The following CCDC148 variants were observed in gnomAD, a reference collection of about 807,000 sequenced individuals.
The protein encoded by CCDC148 is coiled-coil domain containing 148.
In CCDC148, 89 loss-of-function variants were observed where a neutral mutation model predicts 85.7. That is an observed-to-expected ratio of 1.04 (90% CI 0.87 to 1.24). CCDC148 has a LOEUF of 1.24. CCDC148 is among the 50% of genes most tolerant of loss of function. The pLI, the probability that CCDC148 is intolerant of heterozygous loss-of-function variation, is 0.00. For missense variants in CCDC148, 692 were observed against 671.7 expected (o/e 1.03, Z -0.33); for synonymous variants, 230 against 213.9 (o/e 1.08, Z -0.66).
chr2:158,340,331 G>C lies in CCDC148; in HGVS notation c.397C>G (p.Leu133Val), dbSNP rs1379358825. The C allele has an allele frequency of 3.7e-6, 6 of 1,613,934 alleles. No individual in the cohort carries two copies. The South Asian group carries it at 6.6e-5, about 18-fold the overall frequency. ...TGTCTGTATTTTAGATCTGCTCTCA[G>C]CTGCTGAATAGGATTTATTACATTT... ...LKNVINPIQQ[L>V]RADLKYRQHH... The change falls in exon 5 of 14, where the codon CTG becomes GTG. Residue 133 changes from leucine (L) to valine (V), a missense_variant. Leu to Val is a conservative substitution (Grantham distance 32). Coordinates refer to ENST00000283233, the MANE Select transcript of CCDC148 (RefSeq NM_138803.4).
In CCDC148 at chr2:158,217,385, T is replaced by C. The variant is rs1243571520; in HGVS notation, c.1370+3210A>G. Reference sequence around the variant, plus strand: ...TTTTGTGTGTGTGTGTATATATATATATATATATACACACACACATACATT... The same window carrying C: ...TTTTGTGTGTGTGTGTATATATATACATATATATACACACACACATACATT... On this transcript the variant is annotated intron_variant, in intron 11 of 13. Coordinates refer to ENST00000283233, the MANE Select transcript of CCDC148 (RefSeq NM_138803.4). Among the ~76,000 whole-genome samples the C allele has an allele frequency of 9.7e-5, 9 of 92,744 alleles. No individual in the cohort carries two copies. In the East Asian group the frequency reaches 2.5e-3, roughly 26 times the overall value. The allele number at this position is 92,744 out of a possible 152,430, so 60.8% of individuals were successfully genotyped here.
intron 9 of CCDC148, among the ~76,000 whole-genome samples, chr2:158,278,100 C>T (rs1690047590): frequency 6.6e-6 from 1 of 152,158 alleles, no homozygotes; most frequent in South Asian, 2.1e-4. Flanking sequence ...CTTAAATTGA[C>T]TCATTTTTTA....
Position 158,191,893 on chromosome 2 carries a change from T to A in CCDC148, c.1371-12897A>T, listed in dbSNP as rs573299673. Among the ~76,000 whole-genome samples, 12 of 152,140 alleles carry A rather than the reference T, an allele frequency of 7.9e-5. No individual in the cohort carries two copies. The East Asian group carries it at 2.3e-3, about 29-fold the overall frequency. On this transcript the variant is annotated intron_variant, in intron 11 of 13. Coordinates refer to ENST00000283233, the MANE Select transcript of CCDC148 (RefSeq NM_138803.4). ...GTTTGGATTTCAGGAGGAGAGCCCA[T>A]CTCCAGTGCCTACTTGGGGAACTCT...
intron 10 of CCDC148, among the ~76,000 whole-genome samples, chr2:158,243,714 T>C (rs1438128997): frequency 1.3e-5 from 2 of 152,168 alleles, no homozygotes; most frequent in South Asian, 2.1e-4. Flanking sequence ...CTCAGTCTGT[T>C]CTTCATGCCA....
At chr2:158,182,979 T>C (rs1249308664) in intron 11 of CCDC148, among the ~76,000 whole-genome samples, 1 of 152,200 alleles carries the variant, frequency 6.6e-6, no homozygotes, top group Non-Finnish European at 1.5e-5. Context: ...ACTGTTGCTA[T>C]GAAAGTCAAT....
At chr2:158,390,557 C>T (rs1252803270) in intron 1 of CCDC148, among the ~76,000 whole-genome samples, 2 of 152,136 alleles carry the variant, frequency 1.3e-5, no homozygotes, top group East Asian at 3.9e-4. Flanking sequence ...AAATTTTAAA[C>T]TTGAGGCCAA....
chr2:158,251,145 G>C (rs1324686160), intron 9 of CCDC148, among the ~76,000 whole-genome samples: 1 of 151,678 alleles, frequency 6.6e-6, no homozygotes, highest in Admixed American at 6.6e-5. Flanking sequence ...TGGATTCATG[G>C]AATAGGGTTC....
intron 11 of CCDC148, among the ~76,000 whole-genome samples, chr2:158,205,265 G>T (rs1686178386): frequency 6.6e-6 from 1 of 152,116 alleles, no homozygotes; most frequent in Admixed American, 6.5e-5. Context: ...AGTAAGAGAG[G>T]GAAGAGTCAC....
chr2:158,406,941 C>T (rs560601957), intron 1 of CCDC148, among the ~76,000 whole-genome samples: 12 of 151,984 alleles, frequency 7.9e-5, no homozygotes, highest in African/African-American at 2.4e-4. Flanking sequence ...TACATTTCCA[C>T]AAGATAATTA....
intron 9 of CCDC148, among the ~76,000 whole-genome samples, chr2:158,264,895 T>C (rs550288728): frequency 2.5e-4 from 38 of 152,270 alleles, no homozygotes; most frequent in Non-Finnish European, 4.0e-4. Context: ...TAGAATAACG[T>C]GCATTATTCT....
intron 1 of CCDC148, among the ~76,000 whole-genome samples, chr2:158,389,743 C>G (rs1386460127): frequency 6.6e-6 from 1 of 152,172 alleles, no homozygotes; most frequent in African/African-American, 2.4e-5. Flanking sequence ...TCCAAGACAA[C>G]TTTTGCACAT....
At chr2:158,422,423 G>A (rs1438335130) in intron 1 of CCDC148, among the ~76,000 whole-genome samples, 1 of 152,112 alleles carries the variant, frequency 6.6e-6, no homozygotes, top group African/African-American at 2.4e-5. Flanking sequence ...TGCAAGGCTT[G>A]TTCAACATAT....
At chr2:158,196,902 T>G (rs1367200766) in intron 11 of CCDC148, among the ~76,000 whole-genome samples, 1 of 152,198 alleles carries the variant, frequency 6.6e-6, no homozygotes, top group Non-Finnish European at 1.5e-5. Flanking sequence ...AATTAAAATA[T>G]CTGTAATTTA....
chr2:158,338,713 T>G lies in CCDC148; in HGVS notation c.764+13A>C, dbSNP rs11686762. The G allele has an allele frequency of 0.22, 349,104 of 1,580,270 alleles. 42,128 individuals carry two copies. The highest frequency in any genetic ancestry group is 0.25 in the Non-Finnish European group (287,566 of 1,166,232). On this transcript the variant is annotated intron_variant, in intron 7 of 13. Transcript: ENST00000283233. The stretch of plus-strand genomic sequence containing the variant: ...GTCAAAAGTCTACACAGGACTCAGT[T>G]TTATCTTATCACCTGTATATGTCTT...
At chr2:158,206,326 C>T (rs1686242378) in intron 11 of CCDC148, among the ~76,000 whole-genome samples, 1 of 152,172 alleles carries the variant, frequency 6.6e-6, no homozygotes, top group African/African-American at 2.4e-5. Flanking sequence ...TTTACACAGA[C>T]AGGCAGCTCC....
intron 9 of CCDC148, among the ~76,000 whole-genome samples, chr2:158,282,738 A>C (rs1484635189): frequency 2.0e-5 from 3 of 152,204 alleles, no homozygotes; most frequent in African/African-American, 7.2e-5. Context: ...CATCCCCATC[A>C]AGCTACCAAT....
At chr2:158,343,579 A>C (rs1207160919) in intron 3 of CCDC148, among the ~76,000 whole-genome samples, 1 of 152,256 alleles carries the variant, frequency 6.6e-6, no homozygotes, top group East Asian at 1.9e-4. Flanking sequence ...GTAAGCCCTT[A>C]TCCTCCGCCT....
chr2:158,240,745 A>C (rs957133357), intron 10 of CCDC148, among the ~76,000 whole-genome samples: 4 of 152,130 alleles, frequency 2.6e-5, no homozygotes, highest in Non-Finnish European at 5.9e-5. Flanking sequence ...CAGGCAATCA[A>C]AGAAAACTGC....
intron 9 of CCDC148, among the ~76,000 whole-genome samples, chr2:158,271,284 C>T (rs1689687575): frequency 6.6e-6 from 1 of 152,060 alleles, no homozygotes; most frequent in Admixed American, 6.6e-5. Flanking sequence ...TAACAGTAGT[C>T]CCCCCTTATC....
Sources: allele counts gnomAD v4.1 joint callset (sites outside exome capture counted in the v4.1 genomes callset), GRCh38; gene constraint gnomAD v4.1.1; transcripts MANE v1.5; gene names NCBI Gene and HGNC (gene_info 2026-07-23, HGNC 2026-07-21).